RCAN3: variants seen among roughly 807,000 people sequenced by gnomAD.
The protein encoded by RCAN3 is regulator of calcineurin 3, also known as calcipressin-3.
Under a neutral mutation model 21.9 loss-of-function variants are expected in RCAN3, and 19 were observed. The ratio of observed to expected loss-of-function variants is 0.87; its 90% CI spans 0.61 to 1.27. RCAN3 has a LOEUF of 1.27. Ranked by LOEUF, RCAN3 falls within the 50% of genes most tolerant of loss-of-function variation. The pLI is 0.00. For missense variants in RCAN3, 240 were observed against 300.1 expected, an observed-to-expected ratio of 0.80 and a Z score of 1.48; for synonymous variants, 114 against 112.3, an observed-to-expected ratio of 1.01 and a Z score of -0.09.
At position 24,525,600 on chromosome 1, in the gene RCAN3, T is replaced by G. The variant is rs1461880962; in HGVS notation, c.196-5618T>G. Among the ~76,000 whole-genome samples the G allele has an allele frequency of 6.6e-6, 1 of 152,222 alleles. No homozygotes were observed. The highest frequency in any genetic ancestry group is 1.5e-5 in the Non-Finnish European group (1 of 68,040). On this transcript the variant is annotated intron_variant, in intron 2 of 4. Coordinates refer to ENST00000374395, the MANE Select transcript of RCAN3 (RefSeq NM_013441.4). This position sits in a 1 kb window ranked among gnomAD's most constrained non-coding sequence, Gnocchi z 4.1. ...GCGGCCATCACCCAACAGGATGATG[T>G]TAATTTTATATCATTAGAGAATTCA...
At position 24,525,304 on chromosome 1, in the gene RCAN3, G is replaced by T. The variant is rs1649168494; in HGVS notation, c.196-5914G>T. Among the ~76,000 whole-genome samples, 1 of 152,088 alleles carries T rather than the reference G, an allele frequency of 6.6e-6. No individual in the cohort carries two copies. The highest frequency in any genetic ancestry group is 6.6e-5 in the Admixed American group (1 of 15,264). On this transcript the variant is annotated intron_variant, in intron 2 of 4. Transcript: ENST00000374395. This position sits in a 1 kb window ranked among gnomAD's most constrained non-coding sequence, Gnocchi z 4.1. Reference sequence around the variant, plus strand: ...TTATGTGTTGTTCTTAGCTATTTTAGGTACAAGGTATGTACTGTCATTTTG... The same window carrying T: ...TTATGTGTTGTTCTTAGCTATTTTATGTACAAGGTATGTACTGTCATTTTG...
intron 2 of RCAN3, among the ~76,000 whole-genome samples, chr1:24,519,978 A>G (rs1224393084): frequency 6.6e-6 from 1 of 152,248 alleles, no homozygotes; most frequent in Non-Finnish European, 1.5e-5. Flanking sequence ...AGAAGTATCA[A>G]AAATATTATT....
intron 2 of RCAN3, among the ~76,000 whole-genome samples, chr1:24,528,254 GAA>G (rs57400823): frequency 3.3e-5 from 4 of 122,136 alleles, no homozygotes; most frequent in African/African-American, 9.5e-5. Context: ...TGGAAAAAAA[GAA>G]AAAAAAAAAA....
rs145068311 is a variant in RCAN3 at position 24,536,175 on chromosome 1, T to G, written c.*898T>G. 3 of 152,158 alleles carry G rather than the reference T, an allele frequency of 2.0e-5. No homozygotes were observed. The highest frequency in any genetic ancestry group is 4.4e-5 in the Non-Finnish European group (3 of 68,030). The allele number at this position is 152,158 out of a possible 1,614,324, so 9.4% of individuals were successfully genotyped here. ...ATCTTGTTAACCACTAGTTCTTGAGTTTTTTGGCTATGATGTGTACGTTTA... is the reference window on the plus strand; with the variant it reads ...ATCTTGTTAACCACTAGTTCTTGAGGTTTTTGGCTATGATGTGTACGTTTA... On this transcript the variant is annotated 3_prime_UTR_variant, in exon 5 of 5. Transcript: ENST00000374395.
intron 4 of RCAN3, among the ~76,000 whole-genome samples, chr1:24,533,896 T>C (rs1467302344): frequency 6.6e-6 from 1 of 152,256 alleles, no homozygotes; most frequent in Non-Finnish European, 1.5e-5. Flanking sequence ...TGCTAGTACT[T>C]GATAGGCAGT....
chr1:24,534,956 C>CT (rs1650108360), intron 4 of RCAN3, 137 bp from the exon 5 acceptor site: 1 of 798,526 alleles, frequency 1.3e-6, no homozygotes, highest in African/African-American at 1.8e-5. Context: ...ATAAAATACT[C>CT]TAACATAGTA....
intron 1 of RCAN3, among the ~76,000 whole-genome samples, chr1:24,507,038 C>G (rs544691523): frequency 6.6e-6 from 1 of 152,236 alleles, no homozygotes; most frequent in Admixed American, 6.5e-5. Flanking sequence ...TTTAGAGATA[C>G]TAAAAGTTAA....
At position 24,539,466 on chromosome 1, in the gene RCAN3, AT is replaced by A. The variant is rs1650395943; in HGVS notation, c.*4193del. ...TGGTATTTTATGTGGGCCTTCCCAG[AT>A]TTTCATATTAATGAAATGACTAATA... is the stretch of plus-strand genomic sequence containing the variant. On this transcript the variant is annotated 3_prime_UTR_variant, in exon 5 of 5. Transcript: ENST00000374395. 1 of 152,224 alleles carries A rather than the reference AT, an allele frequency of 6.6e-6. No individual in the cohort carries two copies. The highest frequency in any genetic ancestry group is 1.5e-5 in the Non-Finnish European group (1 of 68,038). 9.4% of individuals were successfully genotyped at this position (152,224 alleles called of 1,614,324 possible). A position where few individuals can be genotyped will look rare whatever the true frequency, so the allele number is the denominator to read the frequency against.
chr1:24,529,474 C>T lies in RCAN3; in HGVS notation c.196-1744C>T, dbSNP rs557596279. ...TGAAGTAGGGGCGGGTGGCTTGAGC[C>T]CAGGAGTTTGAGGCTGCAGTGAACT... is the stretch of plus-strand genomic sequence containing the variant. On this transcript the variant is annotated intron_variant, in intron 2 of 4. Transcript: ENST00000374395. 6.0e-5 allele frequency among the ~76,000 whole-genome samples: 9 copies of T among 151,146 alleles called. No individual in the cohort carries two copies. In the East Asian group the frequency reaches 1.8e-3, roughly 30 times the overall value.
rs1650368905 is a variant in RCAN3 at position 24,538,816 on chromosome 1, T to C, written c.*3539T>C. Reference sequence around the variant, plus strand: ...TTTTATTCTTTAAGAATATAGTCTTTAGCCAGGTGCAGTGGTGTGTGCCTG... The same window carrying C: ...TTTTATTCTTTAAGAATATAGTCTTCAGCCAGGTGCAGTGGTGTGTGCCTG... On this transcript the variant is annotated 3_prime_UTR_variant, in exon 5 of 5. Transcript: ENST00000374395. 3 of 152,112 alleles carry C rather than the reference T, an allele frequency of 2.0e-5. No individual in the cohort carries two copies. Among genetic ancestry groups the C allele is most frequent in the Non-Finnish European group, 2.9e-5 (2 of 68,020 alleles). The allele number at this position is 152,112 out of a possible 1,614,324, so 9.4% of individuals were successfully genotyped here. A position where few individuals can be genotyped will look rare whatever the true frequency, so the allele number is the denominator to read the frequency against.
intron 4 of RCAN3, among the ~76,000 whole-genome samples, chr1:24,533,881 G>A (rs1194658998): frequency 6.6e-6 from 1 of 152,156 alleles, no homozygotes; most frequent in Non-Finnish European, 1.5e-5. Flanking sequence ...TACTACTACA[G>A]ATTTTGCTAG....
chr1:24,511,167 G>A (rs923139604), intron 1 of RCAN3, among the ~76,000 whole-genome samples: 50 of 152,270 alleles, frequency 3.3e-4, no homozygotes, highest in African/African-American at 1.2e-3. Context: ...CAAAAAATTA[G>A]CTGGGCATGG....
chr1:24,530,593 A>C (rs996823140), intron 2 of RCAN3, among the ~76,000 whole-genome samples: 24 of 152,194 alleles, frequency 1.6e-4, no homozygotes, highest in Admixed American at 2.0e-4. Flanking sequence ...ACCTTGTCCC[A>C]CCGGGGACAT....
At position 24,535,262 on chromosome 1, in the gene RCAN3, T is replaced by C. The variant is rs1184449500; in HGVS notation, c.711T>C (p.Phe237=). Residue 237 remains phenylalanine, a synonymous_variant, in exon 5 of 5, where the codon TTT becomes TTC. Coordinates refer to ENST00000374395, the MANE Select transcript of RCAN3 (RefSeq NM_013441.4). ...CAGCGTTGAATGAGCCCCAGACCTT[T>C]GATTGCGCGCTGTGAGGCCCTTGGT... ...PTAALNEPQT[F]DCAL The C allele has an allele frequency of 3.1e-5, 48 of 1,548,696 alleles. 1 individual carries two copies. In the Admixed American group the frequency reaches 1.1e-3, roughly 35 times the overall value.
intron 2 of RCAN3, among the ~76,000 whole-genome samples, chr1:24,529,946 A>G (rs2148909984): frequency 6.6e-6 from 1 of 150,646 alleles, no homozygotes; most frequent in South Asian, 2.1e-4. Context: ...TGGGAGGCTG[A>G]GGCAGGAGGA....
chr1:24,531,414 C>T, intron 3 of RCAN3, 23 bp downstream of exon 3: 1 of 1,522,434 alleles, frequency 6.6e-7, no homozygotes, highest in South Asian at 1.3e-5. Context: ...GCAGAGAACA[C>T]TGTTCTCTAA....
intron 1 of RCAN3, among the ~76,000 whole-genome samples, chr1:24,511,989 G>T (rs1426067210): frequency 6.6e-6 from 1 of 152,120 alleles, no homozygotes; most frequent in African/African-American, 2.4e-5. Flanking sequence ...AGGTGAAGGA[G>T]AATTAGGGGG....
intron 2 of RCAN3, among the ~76,000 whole-genome samples, chr1:24,516,403 G>C (rs1021685112): frequency 1.3e-5 from 2 of 152,230 alleles, no homozygotes; most frequent in Non-Finnish European, 2.9e-5. Flanking sequence ...GGTGGCATTG[G>C]AGAAGGGCTG....
chr1:24,527,179 G>A lies in RCAN3; in HGVS notation c.196-4039G>A, dbSNP rs574305559. 2.0e-5 allele frequency among the ~76,000 whole-genome samples: 3 copies of A among 148,454 alleles called. No homozygotes were observed. The Admixed American group carries it at 2.0e-4, about 10-fold the overall frequency. ...CCAGAGTAACTAGGACTACAGGTGT[G>A]TAATTTTGCATTTTTAGTAGAGATG... is the stretch of plus-strand genomic sequence containing the variant. On this transcript the variant is annotated intron_variant, in intron 2 of 4. Transcript: ENST00000374395.
Sources: gnomAD v4.1 joint callset for allele counts (sites outside exome capture counted in the v4.1 genomes callset) on GRCh38, gnomAD v4.1.1 for gene constraint, Gnocchi (gnomAD v3.1) non-coding constraint, MANE v1.5 for transcripts, NCBI Gene and HGNC (gene_info 2026-07-23, HGNC 2026-07-21) for gene names.